TFDP2: variants seen among roughly 807,000 people sequenced by gnomAD.
TFDP2 encodes the protein transcription factor Dp-2, also known as transcription factor Dp-2 (E2F dimerization partner 2).
Under a neutral mutation model 59.3 loss-of-function variants are expected in TFDP2, and 17 were observed. That is an observed-to-expected ratio of 0.29 (90% CI 0.20 to 0.43). The LOEUF is 0.43. TFDP2 is among the 20% of genes least tolerant of loss of function. The probability of loss-of-function intolerance (pLI) is 1.00; values close to 1 mark genes in which losing one functional copy is unlikely to be tolerated. For missense variants in TFDP2, 391 were observed against 528.8 expected, an observed-to-expected ratio of 0.74 and a Z score of 2.56; for synonymous variants, 180 against 194.7, an observed-to-expected ratio of 0.92 and a Z score of 0.63.
chr3:142,039,436 G>C (rs564492547), intron 3 of TFDP2, among the ~76,000 whole-genome samples: 1 of 152,200 alleles, frequency 6.6e-6, no homozygotes, highest in East Asian at 1.9e-4. Flanking sequence ...ACCCAGGCTG[G>C]AGTGTGGTGC....
intron 6 of TFDP2, among the ~76,000 whole-genome samples, chr3:141,992,368 T>A (rs1342488044): frequency 6.6e-6 from 1 of 152,220 alleles, no homozygotes; most frequent in Non-Finnish European, 1.5e-5. Context: ...CTTTTATGTG[T>A]TCTCACTTAT....
At chr3:142,126,033 G>C (rs930050352) in intron 1 of TFDP2, 15 of 152,066 alleles carry the variant, frequency 9.9e-5, no homozygotes, top group African/African-American at 3.6e-4. Flanking sequence ...AAAAGACTTT[G>C]TTATATTGTA....
rs1285057483 is a variant in TFDP2, at chr3:142,121,408, G to C, written c.-92-19567C>G. 3.3e-5 allele frequency among the ~76,000 whole-genome samples: 5 copies of C among 152,166 alleles called. No homozygotes were observed. The highest frequency in any genetic ancestry group is 4.4e-5 in the Non-Finnish European group (3 of 68,018). On this transcript the variant is annotated intron_variant, in intron 1 of 12. Transcript: ENST00000489671. This position sits in a 1 kb window ranked among gnomAD's most constrained non-coding sequence, Gnocchi z 4.3. ...GGCACTATGGAAGCACAAAGGAACAGCTTCTAATTCAGCTAAAGGGTGGGA... is the reference window on the plus strand; with the variant it reads ...GGCACTATGGAAGCACAAAGGAACACCTTCTAATTCAGCTAAAGGGTGGGA...
At chr3:141,977,520 A>T (rs1315942089) in intron 7 of TFDP2, among the ~76,000 whole-genome samples, 1 of 151,988 alleles carries the variant, frequency 6.6e-6, no homozygotes, top group African/African-American at 2.4e-5. Context: ...TGAACCTGGG[A>T]AGTAGAGGTT....
intron 3 of TFDP2, among the ~76,000 whole-genome samples, chr3:142,064,664 G>A (rs1325753474): frequency 6.6e-6 from 1 of 152,076 alleles, no homozygotes; most frequent in Non-Finnish European, 1.5e-5. Flanking sequence ...GGTCCCAAAT[G>A]GACTCACTAA....
At chr3:142,133,476 G>A (rs898945169) in intron 1 of TFDP2, among the ~76,000 whole-genome samples, 9 of 150,048 alleles carry the variant, frequency 6.0e-5, no homozygotes, top group Middle Eastern at 3.4e-3. Flanking sequence ...AAAGTGCTGG[G>A]ATTATAGGCA....
chr3:142,116,702 T>C (rs977891784), intron 1 of TFDP2, among the ~76,000 whole-genome samples: 11 of 152,306 alleles, frequency 7.2e-5, no homozygotes, highest in African/African-American at 2.4e-4. Context: ...AGGTATTTTA[T>C]TTTTTGGTTT....
intron 3 of TFDP2, among the ~76,000 whole-genome samples, chr3:142,066,061 T>C (rs775239523): frequency 6.6e-6 from 1 of 152,198 alleles, no homozygotes; most frequent in Non-Finnish European, 1.5e-5. Flanking sequence ...CCTTTAAACT[T>C]TATCTTACTC....
At chr3:142,061,288 A>T (rs191319763) in intron 3 of TFDP2, among the ~76,000 whole-genome samples, 221 of 152,326 alleles carry the variant, frequency 1.5e-3, no homozygotes, top group Admixed American at 5.3e-3. Flanking sequence ...CAATTCATTA[A>T]TCATCCAGGA....
At chr3:142,063,634 G>A (rs573342271) in intron 3 of TFDP2, among the ~76,000 whole-genome samples, 3 of 152,240 alleles carry the variant, frequency 2.0e-5, no homozygotes, top group African/African-American at 7.2e-5. Context: ...TTGGTAAAGG[G>A]TAAAATATTA....
At chr3:141,953,126 A>C (rs1936123092) in intron 11 of TFDP2, 110 bp from the exon 12 acceptor site, 1 of 671,238 alleles carries the variant, frequency 1.5e-6, no homozygotes, top group Admixed American at 2.9e-5. Flanking sequence ...ATTCTTCATG[A>C]CAGCTAGACA....
chr3:142,042,090 G>A (rs1297802435), intron 3 of TFDP2, among the ~76,000 whole-genome samples: 1 of 152,140 alleles, frequency 6.6e-6, no homozygotes, highest in Non-Finnish European at 1.5e-5. Flanking sequence ...ATCAGGTAAT[G>A]TGAGTCTTAG....
rs1266800902 is a variant in TFDP2 at position 142,097,156 on chromosome 3, G to GA, written c.16-4030dup. Among the ~76,000 whole-genome samples, 3 of 152,230 alleles carry GA rather than the reference G, an allele frequency of 2.0e-5. No homozygotes were observed. In the East Asian group the frequency reaches 5.8e-4, roughly 29 times the overall value. On this transcript the variant is annotated intron_variant, in intron 2 of 12. Transcript: ENST00000489671. ...GCAAAGATTTATAAACATATAAAAA[G>GA]AAATGTCACTTTCATATACCACAAG...
chr3:142,136,899 T>A (rs139036001), intron 1 of TFDP2, among the ~76,000 whole-genome samples: 12,673 of 152,070 alleles, frequency 0.083, 694 homozygotes, highest in Middle Eastern at 0.14. Context: ...TATGAACTTT[T>A]AAGTAGTTTT....
chr3:142,101,858 G>A lies in TFDP2; in HGVS notation c.-92-17C>T. 1.8e-6 allele frequency: 1 copy of A among 561,730 alleles called. No homozygotes were observed. The highest frequency in any genetic ancestry group is 4.0e-5 in the South Asian group (1 of 24,964). The allele number at this position is 561,730 out of a possible 1,614,324, so 34.8% of individuals were successfully genotyped here. A position where few individuals can be genotyped will look rare whatever the true frequency, so the allele number is the denominator to read the frequency against. ...AAGAACAACCTGTTAAAGGAAAACA[G>A]AGGGAATAGTAATGTAATAATAATA... is the stretch of plus-strand genomic sequence containing the variant. On this transcript the variant is annotated splice_polypyrimidine_tract_variant and intron_variant, in intron 1 of 12. Coordinates refer to ENST00000489671, the MANE Select transcript of TFDP2 (RefSeq NM_001178139.2).
chr3:141,970,079 G>A lies in TFDP2; in HGVS notation c.726C>T (p.Leu242=), dbSNP rs1939485272. ...AACATCTCGGTATCTTTACCTGTAG[G>A]AGAAGTTCTTGCAGCTGGGCCCGCT... The part of the protein sequence containing the change: ...KQKRAQLQEL[L]LQQIAFKNLV... The change falls in exon 9 of 13, where the codon CTC becomes CTT. Residue 242 remains leucine (L), a synonymous_variant. Transcript: ENST00000489671. 1 of 1,613,894 alleles carries A rather than the reference G, an allele frequency of 6.2e-7. No homozygotes were observed. The highest frequency in any genetic ancestry group is 1.3e-5 in the African/African-American group (1 of 74,936).
At chr3:142,021,649 C>T (rs1442782848) in intron 3 of TFDP2, among the ~76,000 whole-genome samples, 1 of 152,182 alleles carries the variant, frequency 6.6e-6, no homozygotes, top group African/African-American at 2.4e-5. Flanking sequence ...GTATCTAGAA[C>T]CATGAATGCC....
intron 3 of TFDP2, among the ~76,000 whole-genome samples, chr3:142,019,435 C>T (rs1945419507): frequency 1.3e-5 from 2 of 152,066 alleles, no homozygotes; most frequent in African/African-American, 4.8e-5. Flanking sequence ...CTTAAAAAGG[C>T]CTGTGTGTGT....
At chr3:141,970,561 G>C (rs962467385) in intron 8 of TFDP2, among the ~76,000 whole-genome samples, 1 of 152,206 alleles carries the variant, frequency 6.6e-6, no homozygotes, top group South Asian at 2.1e-4. Context: ...CGAAGGGAAC[G>C]GAGGCATAGA....
Sources: allele counts gnomAD v4.1 joint callset (sites outside exome capture counted in the v4.1 genomes callset), GRCh38; gene constraint gnomAD v4.1.1; non-coding constraint Gnocchi (gnomAD v3.1); transcripts MANE v1.5; gene names NCBI Gene and HGNC (gene_info 2026-07-23, HGNC 2026-07-21).